Variants in BLTP1 observed in about 807,000 individuals in gnomAD.
The protein encoded by BLTP1 is fragile site-associated protein.
At chr4:122,289,296 T>C in the BLTP1 span, 1 of 868,878 alleles carries the variant, frequency 1.2e-6, no homozygotes, top group Non-Finnish European at 1.7e-6. Flanking sequence ...AGCATTTGGA[T>C]ATAGTTGTCA....
At chr4:122,192,514 C>G in the BLTP1 span, 1 of 639,524 alleles carries the variant, frequency 1.6e-6, no homozygotes, top group Non-Finnish European at 2.5e-6. Context: ...ACATTTTGAT[C>G]CAAAGAAAAA....
chr4:122,352,351 T>TTTTC, the BLTP1 span, among the ~76,000 whole-genome samples: 2 of 141,290 alleles, frequency 1.4e-5, no homozygotes, highest in Non-Finnish European at 1.5e-5. Context: ...AGGTTTTGGT[T>TTTTC]TTTCTTTTTT....
At chr4:122,230,595 T>G in the BLTP1 span, among the ~76,000 whole-genome samples, 2 of 152,300 alleles carry the variant, frequency 1.3e-5, no homozygotes, top group East Asian at 3.9e-4. Flanking sequence ...TACTATCGTC[T>G]ACTGTATAAA....
chr4:122,230,091 T>G, the BLTP1 span: 2 of 1,614,190 alleles, frequency 1.2e-6, no homozygotes, highest in South Asian at 2.2e-5. Context: ...GCCTATTGGC[T>G]TGAAGCTGGG....
the BLTP1 span, chr4:122,209,103 A>C: frequency 4.0e-6 from 6 of 1,505,652 alleles, no homozygotes; most frequent in South Asian, 8.0e-5. Flanking sequence ...GTAAGTATTA[A>C]CCAACATATT....
the BLTP1 span, chr4:122,301,424 T>C: frequency 7.1e-7 from 1 of 1,398,908 alleles, no homozygotes; most frequent in Admixed American, 2.3e-5. Flanking sequence ...GATACTTTTA[T>C]AAAAATTTTT....
chr4:122,299,565 A>G, the BLTP1 span, among the ~76,000 whole-genome samples: 4 of 152,236 alleles, frequency 2.6e-5, 1 homozygote, highest in Admixed American at 1.3e-4. Context: ...TTTCCAAATA[A>G]TAATGGCAAC....
the BLTP1 span, chr4:122,277,239 A>T: frequency 3.1e-6 from 1 of 324,028 alleles, no homozygotes; most frequent in Non-Finnish European, 4.4e-6. Flanking sequence ...CACTTGAGAG[A>T]CTGAGTTGGG....
the BLTP1 span, chr4:122,239,890 C>G: frequency 6.2e-7 from 1 of 1,613,832 alleles, no homozygotes; most frequent in Non-Finnish European, 8.5e-7. Flanking sequence ...GAATTTGAGC[C>G]CATTAGCAGT....
the BLTP1 span, among the ~76,000 whole-genome samples, chr4:122,323,019 C>T: frequency 2.5e-4 from 38 of 152,082 alleles, no homozygotes; most frequent in Non-Finnish European, 4.3e-4. Context: ...TACTGAAAGG[C>T]GATCTCACAA....
the BLTP1 span, chr4:122,243,884 C>G: frequency 5.0e-6 from 8 of 1,597,920 alleles, no homozygotes; most frequent in Non-Finnish European, 6.8e-6. Flanking sequence ...AAAAAAAACT[C>G]GCTGATAACA....
the BLTP1 span, among the ~76,000 whole-genome samples, chr4:122,231,046 A>G: frequency 6.6e-6 from 1 of 152,318 alleles, no homozygotes; most frequent in South Asian, 2.1e-4. Context: ...AACATGTTTT[A>G]TTTAGCCATT....
At chr4:122,342,561 G>C in the BLTP1 span, among the ~76,000 whole-genome samples, 1 of 152,008 alleles carries the variant, frequency 6.6e-6, no homozygotes, top group African/African-American at 2.4e-5. Flanking sequence ...TCACCACATT[G>C]GTCAGGCTGG....
chr4:122,264,142 C>A, the BLTP1 span: 1 of 1,319,282 alleles, frequency 7.6e-7, no homozygotes, highest in South Asian at 2.6e-5. Flanking sequence ...TTTAATCAGT[C>A]TTGAAATGGT....
the BLTP1 span, chr4:122,298,260 G>C: frequency 2.4e-6 from 2 of 829,248 alleles, no homozygotes; most frequent in Non-Finnish European, 2.9e-6. Flanking sequence ...CTATTGTGTT[G>C]TGTTTGTTGT....
At chr4:122,174,585 T>C in the BLTP1 span, 13 of 1,608,880 alleles carry the variant, frequency 8.1e-6, no homozygotes, top group Non-Finnish European at 9.4e-6. Context: ...TTCCTTCTCT[T>C]TCTCTGTTCT....
the BLTP1 span, chr4:122,243,960 G>A: frequency 6.2e-7 from 1 of 1,611,966 alleles, no homozygotes; most frequent in Non-Finnish European, 8.5e-7. Context: ...CAGGACAACA[G>A]CCATAGTTGA....
the BLTP1 span, among the ~76,000 whole-genome samples, chr4:122,332,648 T>A: frequency 6.7e-6 from 1 of 149,548 alleles, no homozygotes; most frequent in Non-Finnish European, 1.5e-5. Context: ...TTTTTTATTA[T>A]ACTCTAAGTT....
chr4:122,251,443 TA>T, the BLTP1 span: 2 of 914,672 alleles, frequency 2.2e-6, no homozygotes, highest in Non-Finnish European at 2.6e-6. Context: ...GATTTATTTT[TA>T]AAACATTTGT....
Sources: gnomAD v4.1 joint callset for allele counts (sites outside exome capture counted in the v4.1 genomes callset) on GRCh38, gnomAD v4.1.1 for gene constraint, MANE v1.5 for transcripts, NCBI Gene and HGNC (gene_info 2026-07-23, HGNC 2026-07-21) for gene names.